SIRPA: variants seen among roughly 807,000 people sequenced by gnomAD.
SIRPA encodes the protein tyrosine-protein phosphatase non-receptor type substrate 1.
A neutral mutation model predicts 50.3 loss-of-function variants in SIRPA; 9 were observed. The ratio of observed to expected loss-of-function variants is 0.18; its 90% CI spans 0.11 to 0.31. The LOEUF is 0.31. SIRPA is among the 10% of genes least tolerant of loss of function. The pLI, the probability that SIRPA is intolerant of heterozygous loss-of-function variation, is 1.00. For missense variants in SIRPA, 474 were observed against 661.6 expected (o/e 0.72, Z 3.11); for synonymous variants, 265 against 284.1 (o/e 0.93, Z 0.68).
intron 1 of SIRPA, among the ~76,000 whole-genome samples, chr20:1,908,587 C>T (rs1984689971): frequency 6.6e-6 from 1 of 152,192 alleles, no homozygotes; most frequent in South Asian, 2.1e-4. Flanking sequence ...TCACACTCCT[C>T]CTTGTGCCCA....
At chr20:1,923,417 A>T (rs1985783633) in intron 4 of SIRPA, among the ~76,000 whole-genome samples, 17 of 152,246 alleles carry the variant, frequency 1.1e-4, no homozygotes, top group Admixed American at 1.1e-3. Context: ...AATGGAAGCC[A>T]TTTCTGTCCT....
intron 2 of SIRPA, 137 bp downstream of exon 2, chr20:1,915,592 T>G (rs1437877749): frequency 1.8e-6 from 2 of 1,109,546 alleles, no homozygotes; most frequent in Non-Finnish European, 2.6e-6. Context: ...CTTTTACAAA[T>G]AAGGGAAGTT....
chr20:1,929,880 G>T (rs1986197987), intron 6 of SIRPA, among the ~76,000 whole-genome samples: 1 of 151,998 alleles, frequency 6.6e-6, no homozygotes, highest in South Asian at 2.1e-4. Context: ...AAGTCCAGAT[G>T]CCCCCCTGAG....
chr20:1,894,995 G>T (rs1053910135), upstream of SIRPA, among the ~76,000 whole-genome samples: 117 of 147,706 alleles, frequency 7.9e-4, no homozygotes, highest in African/African-American at 2.5e-3. The surrounding 1 kb of genome is among the most constrained non-coding windows in gnomAD (Gnocchi z 4.0). Flanking sequence ...GGCTCCGCGC[G>T]GCCGGGCTCG....
In SIRPA at chr20:1,936,390, C is replaced by T. The variant is rs1245109736; in HGVS notation, c.1267-930C>T. Reference sequence around the variant, plus strand: ...ACGCTTTACCTGGATAATCTCATTCCATCCTCACAGCAACCCTGGCAGTAG... The same window carrying T: ...ACGCTTTACCTGGATAATCTCATTCTATCCTCACAGCAACCCTGGCAGTAG... On this transcript the variant is annotated intron_variant, in intron 7 of 7. Transcript: ENST00000358771. This position sits in a 1 kb window ranked among gnomAD's most constrained non-coding sequence, Gnocchi z 4.2. Among the ~76,000 whole-genome samples, 2 of 152,174 alleles carry T rather than the reference C, an allele frequency of 1.3e-5. No homozygotes were observed. Among genetic ancestry groups the T allele is most frequent in the Non-Finnish European group, 1.5e-5 (1 of 68,038 alleles).
In SIRPA at chr20:1,932,431, A is replaced by C. The variant is rs1986345442; in HGVS notation, c.1227-2284A>C. On this transcript the variant is annotated intron_variant, in intron 6 of 7. Coordinates refer to ENST00000358771, the MANE Select transcript of SIRPA (RefSeq NM_001040023.2). This position sits in a 1 kb window ranked among gnomAD's most constrained non-coding sequence, Gnocchi z 6.0. ...CCAATCAAAGGGAACAGCCAGTGCC[A>C]AGACCCTGAGACGGGAGCAGTCAGA... Among the ~76,000 whole-genome samples the C allele has an allele frequency of 6.6e-6, 1 of 152,198 alleles. No homozygotes were observed. Among genetic ancestry groups the C allele is most frequent in the Admixed American group, 6.5e-5 (1 of 15,282 alleles).
rs1470816541 is a variant in SIRPA, at chr20:1,921,546, C to G, written c.588C>G (p.Thr196=). 1.2e-6 allele frequency: 2 copies of G among 1,614,218 alleles called. No homozygotes were observed. Among genetic ancestry groups the G allele is most frequent in the Admixed American group, 3.3e-5 (2 of 60,030 alleles). The part of the protein sequence containing the change: ...KNGNELSDFQ[T]NVDPVGESVS... ...GGAATGAGCTCTCAGACTTCCAGAC[C>G]AACGTGGACCCCGTAGGAGAGAGCG... Residue 196 remains threonine (T), a synonymous_variant, in exon 3 of 8, where the codon ACC becomes ACG. Coordinates refer to ENST00000358771, the MANE Select transcript of SIRPA (RefSeq NM_001040023.2).
chr20:1,903,947 C>G (rs1047765380), intron 1 of SIRPA, among the ~76,000 whole-genome samples: 13 of 152,262 alleles, frequency 8.5e-5, no homozygotes, highest in Non-Finnish European at 1.9e-4. Context: ...ATGTCTCTTA[C>G]TCACTGTTGG....
chr20:1,908,670 G>A (rs191934521), intron 1 of SIRPA, among the ~76,000 whole-genome samples: 44 of 152,114 alleles, frequency 2.9e-4, no homozygotes, highest in African/African-American at 8.9e-4. Flanking sequence ...GTGTGTTCTC[G>A]TGTGCATACT....
intron 5 of SIRPA, among the ~76,000 whole-genome samples, chr20:1,926,513 C>T (rs1985990213): frequency 2.6e-5 from 4 of 152,248 alleles, no homozygotes; most frequent in South Asian, 2.1e-4. Flanking sequence ...GGCCACCCAG[C>T]CCGAGTGGCA....
chr20:1,921,449 A>G lies in SIRPA; in HGVS notation c.491A>G (p.His164Arg). The G allele has an allele frequency of 6.2e-7, 1 of 1,613,806 alleles. No homozygotes were observed. Among genetic ancestry groups the G allele is most frequent in the South Asian group, 1.1e-5 (1 of 91,068 alleles). Residue 164 changes from histidine to arginine, a missense_variant, in exon 3 of 8, where the codon CAC becomes CGC. By Grantham distance (29) the His-to-Arg change is conservative. Around this residue, in one of 4 missense-constraint regions of SIRPA, gnomAD observed 221 missense variants for 359.9 expected, o/e 0.61. Transcript: ENST00000358771. ...CCTGCGGCGAGGGCCACACCTCAGC[A>G]CACAGTGAGCTTCACCTGCGAGTCC... is the stretch of plus-strand genomic sequence containing the variant. ...SGPAARATPQ[H>R]TVSFTCESHG...
In SIRPA at chr20:1,895,416, C is replaced by CAGAG; in HGVS notation, c.-32_-31insAGAG. The stretch of plus-strand genomic sequence containing the variant: ...TCCCGCCCGAGCGCGCACTCACGGC[C>CAGAG]GCTCTCCCTCCTCGCTCCGCAGCCG... On this transcript the variant is annotated 5_prime_UTR_variant, in exon 1 of 8. Transcript: ENST00000358771. The CAGAG allele has an allele frequency of 3.0e-6, 4 of 1,342,330 alleles. No homozygotes were observed. Among genetic ancestry groups the CAGAG allele is most frequent in the Non-Finnish European group, 3.8e-6 (4 of 1,040,946 alleles). The allele number at this position is 1,342,330 out of a possible 1,614,324, so 83.2% of individuals were successfully genotyped here.
intron 1 of SIRPA, among the ~76,000 whole-genome samples, chr20:1,901,220 G>A (rs1445260136): frequency 1.4e-5 from 2 of 140,914 alleles, no homozygotes; most frequent in Admixed American, 1.5e-4. Context: ...GCCCAGGCTG[G>A]AGTGCAGTGG....
chr20:1,911,910 A>G (rs1984906148), intron 1 of SIRPA, among the ~76,000 whole-genome samples: 1 of 151,818 alleles, frequency 6.6e-6, no homozygotes, highest in Non-Finnish European at 1.5e-5. Flanking sequence ...CCTGATTCTC[A>G]GAACAGAACC....
intron 1 of SIRPA, among the ~76,000 whole-genome samples, chr20:1,910,319 C>T (rs1433244351): frequency 1.4e-5 from 2 of 147,448 alleles, no homozygotes; most frequent in South Asian, 2.3e-4. Flanking sequence ...CCTTAGGAAA[C>T]GTGTTCGTGT....
Position 1,934,856 on chromosome 20 carries a change from G to A in SIRPA, c.1266+102G>A. The A allele has an allele frequency of 1.7e-6, 2 of 1,202,564 alleles. No individual in the cohort carries two copies. Among genetic ancestry groups the A allele is most frequent in the East Asian group, 4.7e-5 (2 of 42,834 alleles). The allele number at this position is 1,202,564 out of a possible 1,614,324, so 74.5% of individuals were successfully genotyped here. A position where few individuals can be genotyped will look rare whatever the true frequency, so the allele number is the denominator to read the frequency against. On this transcript the variant is annotated intron_variant, in intron 7 of 7. Transcript: ENST00000358771. This position sits in a 1 kb window ranked among gnomAD's most constrained non-coding sequence, Gnocchi z 4.6. ...TGGTTCTAAATTAAGACTCCTTGTG[G>A]GGTGGAGGGTGGAGGATCTTACACT...
At position 1,922,388 on chromosome 20, in the gene SIRPA, A is replaced by G. The variant is rs771711753; in HGVS notation, c.830A>G (p.Lys277Arg). 6 of 1,614,110 alleles carry G rather than the reference A, an allele frequency of 3.7e-6. No individual in the cohort carries two copies. The Admixed American group carries it at 5.0e-5, about 13-fold the overall frequency. ...NQVNVTCQVR[K>R]FYPQRLQLTW... ...GTGAATGTCACCTGCCAGGTGAGGA[A>G]GTTCTACCCCCAGAGACTACAGCTG... Residue 277 changes from lysine to arginine, a missense_variant, in exon 4 of 8, where the codon AAG (lysine) becomes AGG (arginine). This residue lies in a region of SIRPA where 221 missense variants were observed against 359.9 expected (regional missense o/e 0.61). Coordinates refer to ENST00000358771, the MANE Select transcript of SIRPA (RefSeq NM_001040023.2).
intron 2 of SIRPA, among the ~76,000 whole-genome samples, chr20:1,915,959 A>T (rs897423380): frequency 6.6e-6 from 1 of 152,216 alleles, no homozygotes; most frequent in Non-Finnish European, 1.5e-5. Flanking sequence ...CCTTTATTTC[A>T]TCACCAAACA....
chr20:1,927,531 G>T lies in SIRPA; in HGVS notation c.1202-344G>T, dbSNP rs962078549. On this transcript the variant is annotated intron_variant, in intron 5 of 7. Transcript: ENST00000358771. The surrounding 1 kb of genome is among the most constrained non-coding windows in gnomAD (Gnocchi z 6.5). ...TCAAGCCACGAAGGGCACTGATTGG[G>T]ACCTAGGCTTGTTGGAGGGTCTCCG... is the stretch of plus-strand genomic sequence containing the variant. 5.3e-5 allele frequency among the ~76,000 whole-genome samples: 8 copies of T among 152,194 alleles called. No homozygotes were observed. The highest frequency in any genetic ancestry group is 1.0e-4 in the Non-Finnish European group (7 of 68,024).
Sources: allele counts gnomAD v4.1 joint callset (sites outside exome capture counted in the v4.1 genomes callset), GRCh38; gene constraint gnomAD v4.1.1; regional missense constraint gnomAD v4.1.1; non-coding constraint Gnocchi (gnomAD v3.1); transcripts MANE v1.5; gene names NCBI Gene and HGNC (gene_info 2026-07-23, HGNC 2026-07-21).